The following SOX6 variants were observed in gnomAD, a reference collection of about 807,000 sequenced individuals.
The protein encoded by SOX6 is SRY-box transcription factor 6.
SOX6 carries 11 observed loss-of-function variants against 97.8 expected under a neutral mutation model. The ratio of observed to expected loss-of-function variants is 0.11; its 90% CI spans 0.07 to 0.19. The LOEUF (loss-of-function observed/expected upper bound fraction) is 0.19. SOX6 is among the 10% of genes least tolerant of loss of function. The pLI, the probability that SOX6 is intolerant of heterozygous loss-of-function variation, is 1.00. For missense variants in SOX6, 810 were observed against 1,039.5 expected, an observed-to-expected ratio of 0.78 and a Z score of 3.04; for synonymous variants, 360 against 371.4, an observed-to-expected ratio of 0.97 and a Z score of 0.35.
chr11:16,466,627 A>G (rs1860037021), intron 1 of SOX6, among the ~76,000 whole-genome samples: 1 of 144,690 alleles, frequency 6.9e-6, no homozygotes, highest in African/African-American at 2.6e-5. Context: ...AAATTACAAG[A>G]AAAAAAAAAA....
intron 1 of SOX6, among the ~76,000 whole-genome samples, chr11:16,381,779 A>G (rs949766666): frequency 1.3e-5 from 2 of 151,464 alleles, no homozygotes; most frequent in Non-Finnish European, 3.0e-5. Context: ...TTATTCCCCC[A>G]CTCCCTCCCA....
At chr11:16,352,452 A>G (rs941793802) in intron 1 of SOX6, among the ~76,000 whole-genome samples, 11 of 152,110 alleles carry the variant, frequency 7.2e-5, no homozygotes, top group South Asian at 2.1e-4. Context: ...AAATAATGTC[A>G]TTATCCCTGT....
At chr11:16,257,120 G>T (rs1395092771) in intron 3 of SOX6, among the ~76,000 whole-genome samples, 4 of 151,842 alleles carry the variant, frequency 2.6e-5, no homozygotes, top group Admixed American at 6.6e-5. Flanking sequence ...ATATTGTCAA[G>T]ATGTCCATTC....
intron 2 of SOX6, among the ~76,000 whole-genome samples, chr11:16,721,472 G>C (rs192322361): frequency 6.9e-6 from 1 of 145,972 alleles, no homozygotes; most frequent in East Asian, 2.1e-4. Flanking sequence ...TTTTGATTCA[G>C]TGTCACTGCA....
At chr11:16,458,440 AG>A (rs1475803082) in intron 1 of SOX6, among the ~76,000 whole-genome samples, 3 of 152,064 alleles carry the variant, frequency 2.0e-5, no homozygotes, top group Non-Finnish European at 4.4e-5. Flanking sequence ...TATGCAAAAA[AG>A]TAATATGGGT....
At chr11:16,241,773 C>T (rs1853202078) in intron 3 of SOX6, among the ~76,000 whole-genome samples, 1 of 151,940 alleles carries the variant, frequency 6.6e-6, no homozygotes, top group African/African-American at 2.4e-5. Context: ...ACAGTCATGA[C>T]CATCCCACCT....
rs577242398 is a variant in SOX6 at position 16,261,470 on chromosome 11, C to T, written c.446-26799G>A. Among the ~76,000 whole-genome samples, 6 of 152,026 alleles carry T rather than the reference C, an allele frequency of 3.9e-5. No homozygotes were observed. The South Asian group carries it at 8.3e-4, about 21-fold the overall frequency. The stretch of plus-strand genomic sequence containing the variant: ...GCTATGCTTAGAGCACCACAGAAAA[C>T]ATTTCAAAGGGAGTACTGGTAGTAG... On this transcript the variant is annotated intron_variant, in intron 3 of 15. Transcript: ENST00000683767.
chr11:16,224,992 A>C (rs1465543481), intron 4 of SOX6, among the ~76,000 whole-genome samples: 2 of 152,124 alleles, frequency 1.3e-5, no homozygotes, highest in African/African-American at 2.4e-5. Context: ...TATTACTCTG[A>C]AGTTCTACAA....
chr11:16,570,432 AT>A (rs1190328193), intron 4 of SOX6, among the ~76,000 whole-genome samples: 1 of 152,156 alleles, frequency 6.6e-6, no homozygotes, highest in African/African-American at 2.4e-5. Flanking sequence ...AAAACTATGT[AT>A]TTTAAATGTC....
intron 3 of SOX6, among the ~76,000 whole-genome samples, chr11:16,642,371 T>A (rs1248344079): frequency 6.6e-6 from 1 of 152,148 alleles, no homozygotes; most frequent in Non-Finnish European, 1.5e-5. Flanking sequence ...ATTTCAACTT[T>A]GGTGAATCTG....
Position 16,605,961 on chromosome 11 carries a change from G to A in SOX6, n.609+6120C>T, listed in dbSNP as rs1357582489. 2.0e-5 allele frequency: 3 copies of A among 152,238 alleles called. No individual in the cohort carries two copies. Among genetic ancestry groups the A allele is most frequent in the East Asian group, 1.9e-4 (1 of 5,190 alleles). 9.4% of individuals were successfully genotyped at this position (152,238 alleles called of 1,614,324 possible). A position where few individuals can be genotyped will look rare whatever the true frequency, so the allele number is the denominator to read the frequency against. ...TTAGGTCGGCTCGCAAGGGAAGCCC[G>A]TTTTGTCCAGGTTGGATATTGTCTA... is the stretch of plus-strand genomic sequence containing the variant. On this transcript the variant is annotated intron_variant and non_coding_transcript_variant, in intron 4 of 5. Transcript: ENST00000524520. The surrounding 1 kb of genome is among the most constrained non-coding windows in gnomAD (Gnocchi z 5.3).
intron 3 of SOX6, chr11:16,313,946 T>C (rs1198491514): frequency 6.6e-6 from 1 of 152,150 alleles, no homozygotes; most frequent in Non-Finnish European, 1.5e-5. Context: ...CCTTCCTTCC[T>C]CATTTCTGCT....
At chr11:16,084,897 G>A (rs1348677444) in intron 9 of SOX6, among the ~76,000 whole-genome samples, 2 of 152,164 alleles carry the variant, frequency 1.3e-5, no homozygotes, top group African/African-American at 4.8e-5. Context: ...GTTGGATATA[G>A]GTGAATGATA....
chr11:16,219,246 G>A (rs10832562), intron 4 of SOX6, among the ~76,000 whole-genome samples: 72,554 of 151,786 alleles, frequency 0.48, 17,520 homozygotes, highest in South Asian at 0.61. Flanking sequence ...GAGCTCAGTT[G>A]TATTCATCTC....
At chr11:16,598,885 A>AT (rs55665654) in intron 4 of SOX6, among the ~76,000 whole-genome samples, 33,472 of 151,982 alleles carry the variant, frequency 0.22, 4,238 homozygotes, top group Middle Eastern at 0.31. Context: ...GAAACAACAA[A>AT]TTATTGAAGG....
intron 4 of SOX6, among the ~76,000 whole-genome samples, chr11:16,232,127 T>C (rs1214797370): frequency 1.3e-5 from 2 of 151,880 alleles, no homozygotes; most frequent in African/African-American, 2.4e-5. Flanking sequence ...ATTGTATGTA[T>C]TCCTCAAAGA....
intron 10 of SOX6, among the ~76,000 whole-genome samples, chr11:16,053,709 A>C (rs1286044410): frequency 6.6e-6 from 1 of 152,136 alleles, no homozygotes; most frequent in Non-Finnish European, 1.5e-5. Flanking sequence ...GGGAAAAGGT[A>C]CATCAGATCA....
At chr11:16,429,208 T>G (rs1187592620) in intron 1 of SOX6, among the ~76,000 whole-genome samples, 1 of 152,126 alleles carries the variant, frequency 6.6e-6, no homozygotes, top group African/African-American at 2.4e-5. Context: ...GAAAACGGAA[T>G]GCTTATACAC....
intron 12 of SOX6, among the ~76,000 whole-genome samples, chr11:16,045,013 C>G (rs990934000): frequency 6.6e-6 from 1 of 151,646 alleles, no homozygotes; most frequent in Non-Finnish European, 1.5e-5. Flanking sequence ...CTATCTTAAC[C>G]TCATCTCTCA....
Sources: allele counts gnomAD v4.1 joint callset (sites outside exome capture counted in the v4.1 genomes callset), GRCh38; gene constraint gnomAD v4.1.1; non-coding constraint Gnocchi (gnomAD v3.1); transcripts MANE v1.5; gene names NCBI Gene and HGNC (gene_info 2026-07-23, HGNC 2026-07-21).